GLRA2: variants seen among roughly 807,000 people sequenced by gnomAD.
GLRA2 encodes the protein glycine receptor alpha 2.
Under a neutral mutation model 31.6 loss-of-function variants are expected in GLRA2, and 11 were observed. The ratio of observed to expected loss-of-function variants is 0.35; its 90% CI spans 0.22 to 0.58. The LOEUF (loss-of-function observed/expected upper bound fraction) is 0.58. Among genes scored for constraint, GLRA2 ranks in the 20% least tolerant of loss-of-function variants. The pLI is 0.84. For missense variants in GLRA2, 212 were observed against 351.8 expected (o/e 0.60, Z 3.18); for synonymous variants, 132 against 134.0 (o/e 0.99, Z 0.10).
intron 5 of GLRA2, among the ~76,000 whole-genome samples, 189 bp downstream of exon 5, chrX:14,604,586 GTGTGTGTC>G (rs2090314388): frequency 2.1e-5 from 2 of 96,427 alleles, no homozygotes; most frequent in South Asian, 4.8e-4. Context: ...GTGTGTGTGT[GTGTGTGTC>G]ATACAAAATC....
At chrX:14,509,750 G>A in the GLRA2 span, among the ~76,000 whole-genome samples, 1 of 112,355 alleles carries the variant, frequency 8.9e-6, no homozygotes, top group Non-Finnish European at 1.9e-5. Context: ...GTCTCTTCCT[G>A]GATTAGATGC....
chrX:14,457,973 A>G, the GLRA2 span, among the ~76,000 whole-genome samples: 1 of 110,407 alleles, frequency 9.1e-6, no homozygotes, highest in Non-Finnish European at 1.9e-5. Flanking sequence ...TGCTTCACCC[A>G]TTAACTCGTC....
chrX:14,609,899 C>T (rs754426377), intron 7 of GLRA2, among the ~76,000 whole-genome samples: 20 of 111,163 alleles, frequency 1.8e-4, no homozygotes, highest in Non-Finnish European at 3.2e-4. Flanking sequence ...CAGTTTATAG[C>T]ACCTCAAATA....
At chrX:14,616,240 C>G (rs1270198734) in intron 7 of GLRA2, among the ~76,000 whole-genome samples, 1 of 111,680 alleles carries the variant, frequency 9.0e-6, no homozygotes, top group Non-Finnish European at 1.9e-5. Context: ...GATTTATAGC[C>G]ACTCCTAAGT....
the GLRA2 span, among the ~76,000 whole-genome samples, chrX:14,490,019 C>T: frequency 9.0e-6 from 1 of 110,630 alleles, no homozygotes; most frequent in Non-Finnish European, 1.9e-5. Context: ...AGGCATCTAG[C>T]CATTTAGTTT....
rs754283554 is a variant in GLRA2 at position 14,532,242 on chromosome X, G to A, written c.72G>A (p.Thr24=). The change falls in exon 2 of 9, where the codon ACG becomes ACA. Residue 24 remains threonine, a synonymous_variant. Transcript: ENST00000218075. ...AAAGAGTTAATGATGTGTTTAGGAC[G>A]GCTTTCTGCAAAGACCATGACTCCA... ...AFFLETNHFR[T]AFCKDHDSRS... is the part of the protein sequence containing the mutation. 1.6e-5 allele frequency: 19 copies of A among 1,168,369 alleles called. No individual in the cohort carries two copies. Among genetic ancestry groups the A allele is most frequent in the South Asian group, 8.0e-5 (4 of 49,882 alleles).
chrX:14,451,664 AAG>A, the GLRA2 span, among the ~76,000 whole-genome samples: 1 of 106,638 alleles, frequency 9.4e-6, no homozygotes, highest in Non-Finnish European at 1.9e-5. Flanking sequence ...AAAAAAAAAA[AAG>A]GTACAGAGTG....
At chrX:14,507,540 C>T in the GLRA2 span, among the ~76,000 whole-genome samples, 1 of 110,534 alleles carries the variant, frequency 9.0e-6, no homozygotes, top group East Asian at 2.8e-4. Flanking sequence ...AATTGAGAGT[C>T]AGCCCTTAGA....
At chrX:14,527,616 G>GAA (rs754493347), upstream of GLRA2, among the ~76,000 whole-genome samples, 9 of 92,905 alleles carry the variant, frequency 9.7e-5, no homozygotes, top group East Asian at 2.6e-3. Flanking sequence ...TCCATCTCGG[G>GAA]AAAAAAAAAA....
rs751629262 is a variant in GLRA2, at chrX:14,640,872, A to G, written c.930+31667A>G. Among the ~76,000 whole-genome samples the G allele has an allele frequency of 4.6e-5, 5 of 108,462 alleles. No individual in the cohort carries two copies. In the South Asian group the frequency reaches 1.2e-3, roughly 25 times the overall value. 94.2% of individuals were successfully genotyped at this position (108,462 alleles called of 115,157 possible). On this transcript the variant is annotated intron_variant, in intron 7 of 8. Transcript: ENST00000218075. ...GACATATGCACACGTTTATCTTGAC[A>G]ATATATATATATATAGGAGTAGAGT...
intron 2 of GLRA2, among the ~76,000 whole-genome samples, chrX:14,557,707 G>A (rs1164678460): frequency 1.8e-5 from 2 of 111,419 alleles, no homozygotes; most frequent in African/African-American, 6.5e-5. Context: ...ACACATTTCT[G>A]ATTGTCACAA....
chrX:14,582,445 T>C (rs2090032161), intron 4 of GLRA2, among the ~76,000 whole-genome samples: 1 of 110,511 alleles, frequency 9.0e-6, no homozygotes. Flanking sequence ...ATGTGCCACA[T>C]TTTCTTAATC....
chrX:14,507,880 A>C, the GLRA2 span, among the ~76,000 whole-genome samples: 1 of 107,539 alleles, frequency 9.3e-6, no homozygotes, highest in Non-Finnish European at 1.9e-5. Context: ...TTTTAGAAGA[A>C]AGGGGGTTTC....
In GLRA2 at chrX:14,629,175, C is replaced by T. The variant is rs151238165; in HGVS notation, c.930+19970C>T. 3.9e-3 allele frequency among the ~76,000 whole-genome samples: 429 copies of T among 111,191 alleles called. 1 individual carries two copies. Among genetic ancestry groups the T allele is most frequent in the African/African-American group, 0.013 (386 of 30,644 alleles). ...AAAAATGAAGACCCATAGGCTTGAC[C>T]GAAGGACAACACATCAGGGTTGGAA... On this transcript the variant is annotated intron_variant, in intron 7 of 8. Transcript: ENST00000218075.
chrX:14,516,669 G>C, the GLRA2 span, among the ~76,000 whole-genome samples: 40 of 111,434 alleles, frequency 3.6e-4, no homozygotes, highest in African/African-American at 1.2e-3. Flanking sequence ...GACTCCCAAG[G>C]CTAGGTCATA....
intron 2 of GLRA2, among the ~76,000 whole-genome samples, chrX:14,564,601 G>C (rs113458896): frequency 4.6e-4 from 52 of 112,454 alleles, no homozygotes; most frequent in African/African-American, 1.3e-3. Flanking sequence ...GCACTTTTAT[G>C]TCCTACAGGA....
chrX:14,699,236 C>T (rs1230603071), intron 8 of GLRA2, among the ~76,000 whole-genome samples: 1 of 112,002 alleles, frequency 8.9e-6, no homozygotes, highest in Non-Finnish European at 1.9e-5. Flanking sequence ...TGCAGCCTCA[C>T]CTGCATTTAT....
intron 7 of GLRA2, among the ~76,000 whole-genome samples, chrX:14,679,100 ACACCAC>A (rs748032911): frequency 1.2e-4 from 13 of 109,862 alleles, no homozygotes; most frequent in African/African-American, 3.3e-4. Flanking sequence ...CTCAACATAC[ACACCAC>A]CACCACCACC....
At chrX:14,640,587 G>T (rs936909311) in intron 7 of GLRA2, among the ~76,000 whole-genome samples, 2 of 111,067 alleles carry the variant, frequency 1.8e-5, no homozygotes, top group African/African-American at 6.5e-5. Flanking sequence ...TGTCCTAGGG[G>T]TAACTACTGT....
Sources: allele counts gnomAD v4.1 joint callset (sites outside exome capture counted in the v4.1 genomes callset), GRCh38; gene constraint gnomAD v4.1.1; transcripts MANE v1.5; gene names NCBI Gene and HGNC (gene_info 2026-07-23, HGNC 2026-07-21).